Variants in NUP98 observed in about 807,000 individuals in gnomAD.
NUP98 encodes nucleoporin 98 and 96 precursor.
NUP98 carries 26 observed loss-of-function variants against 191.9 expected under a neutral mutation model. The ratio of observed to expected loss-of-function variants is 0.14; its 90% CI spans 0.10 to 0.19. NUP98 has a LOEUF of 0.19. NUP98 is among the 10% of genes least tolerant of loss of function. The probability of loss-of-function intolerance (pLI) is 1.00; values close to 1 mark genes in which losing one functional copy is unlikely to be tolerated. For missense variants in NUP98, 1,941 were observed against 2,178.8 expected, an observed-to-expected ratio of 0.89 and a Z score of 2.17; for synonymous variants, 808 against 778.4, an observed-to-expected ratio of 1.04 and a Z score of -0.63.
intron 14 of NUP98, among the ~76,000 whole-genome samples, chr11:3,728,419 G>A (rs2079703471): frequency 6.6e-6 from 1 of 152,208 alleles, no homozygotes; most frequent in South Asian, 2.1e-4. Context: ...TTTAGAATCA[G>A]ATGCAAAAGA....
At chr11:3,728,894 G>C (rs1025591787) in intron 14 of NUP98, among the ~76,000 whole-genome samples, 1 of 152,170 alleles carries the variant, frequency 6.6e-6, no homozygotes, top group South Asian at 2.1e-4. Context: ...AGAACCAAGA[G>C]GATTTGCTGA....
Position 3,676,113 on chromosome 11 carries a change from G to C in NUP98, c.*46C>G. 1.3e-6 allele frequency: 2 copies of C among 1,569,862 alleles called. No individual in the cohort carries two copies. The highest frequency in any genetic ancestry group is 1.7e-6 in the Non-Finnish European group (2 of 1,147,194). ...AATCCAAACAAGGCAGGGAACCTCT[G>C]TGTGGTGTGAATGGGCATGTGACTG... On this transcript the variant is annotated 3_prime_UTR_variant, in exon 33 of 33. Coordinates refer to ENST00000324932, the MANE Select transcript of NUP98 (RefSeq NM_016320.5).
At chr11:3,745,018 A>G (rs2080438630) in intron 11 of NUP98, among the ~76,000 whole-genome samples, 1 of 152,178 alleles carries the variant, frequency 6.6e-6, no homozygotes, top group Non-Finnish European at 1.5e-5. Context: ...CCCTTTTAAC[A>G]GAGGAGAAAA....
intron 18 of NUP98, among the ~76,000 whole-genome samples, chr11:3,716,454 C>T (rs966840401): frequency 1.3e-5 from 2 of 151,928 alleles, no homozygotes; most frequent in Non-Finnish European, 2.9e-5. Context: ...ACCTATAATC[C>T]CAACACTTTG....
chr11:3,785,197 AC>A (rs1372709470), intron 1 of NUP98, among the ~76,000 whole-genome samples: 1 of 152,090 alleles, frequency 6.6e-6, no homozygotes, highest in Non-Finnish European at 1.5e-5. Flanking sequence ...ACAAAAAAAA[AC>A]AACCAAAAAA....
At chr11:3,754,047 C>T (rs1250940960) in intron 10 of NUP98, among the ~76,000 whole-genome samples, 1 of 152,172 alleles carries the variant, frequency 6.6e-6, no homozygotes, top group Non-Finnish European at 1.5e-5. Context: ...GCTTTGGGAA[C>T]ATTGCCTTTG....
chr11:3,705,479 A>G (rs1056743050), intron 21 of NUP98, 123 bp from the exon 22 acceptor site: 13 of 888,704 alleles, frequency 1.5e-5, no homozygotes, highest in African/African-American at 8.4e-5. Context: ...CAGAGCTAGT[A>G]TATTTGTGTG....
At chr11:3,767,757 T>C (rs1305382166) in intron 8 of NUP98, among the ~76,000 whole-genome samples, 2 of 151,856 alleles carry the variant, frequency 1.3e-5, no homozygotes, top group East Asian at 3.9e-4. Context: ...AATAAACTAG[T>C]AATGACCATG....
chr11:3,757,849 CA>C lies in NUP98; in HGVS notation c.1174+2689del, dbSNP rs944718821. Reference sequence around the variant, plus strand: ...TTAATTTTGAACATGAAGCATGCTACAAAAAAAAGAGCTTTATTAAAAACAC... The same window carrying C: ...TTAATTTTGAACATGAAGCATGCTACAAAAAAAGAGCTTTATTAAAAACAC... On this transcript the variant is annotated intron_variant, in intron 10 of 32. Transcript: ENST00000324932. 5.8e-4 allele frequency among the ~76,000 whole-genome samples: 88 copies of C among 150,746 alleles called. 1 individual carries two copies. Among genetic ancestry groups the C allele is most frequent in the Non-Finnish European group, 2.2e-4 (15 of 67,596 alleles).
Position 3,755,923 on chromosome 11 carries a change from AC to A in NUP98, c.1175-2516del, listed in dbSNP as rs2080944413. Among the ~76,000 whole-genome samples the A allele has an allele frequency of 2.0e-5, 3 of 152,344 alleles. No homozygotes were observed. In the South Asian group the frequency reaches 6.2e-4, roughly 32 times the overall value. On this transcript the variant is annotated intron_variant, in intron 10 of 32. Transcript: ENST00000324932. ...GGTTGCAGTGAGCCAAAATCACGCCACTGCACTCCAGCCTGGGTGACAGAGA... is the reference window on the plus strand; with the variant it reads ...GGTTGCAGTGAGCCAAAATCACGCCATGCACTCCAGCCTGGGTGACAGAGA...
At chr11:3,738,656 G>C (rs2080163499) in intron 12 of NUP98, among the ~76,000 whole-genome samples, 1 of 151,386 alleles carries the variant, frequency 6.6e-6, no homozygotes, top group Non-Finnish European at 1.5e-5. Flanking sequence ...ACACATACCT[G>C]TAGTCCCAGC....
At chr11:3,753,628 A>C (rs2080847722) in intron 10 of NUP98, among the ~76,000 whole-genome samples, 1 of 151,868 alleles carries the variant, frequency 6.6e-6, no homozygotes, top group Admixed American at 6.6e-5. Flanking sequence ...ATCAATTCAA[A>C]GGCCATGCGC....
At chr11:3,684,218 C>CA (rs2134020882) in intron 29 of NUP98, among the ~76,000 whole-genome samples, 1 of 152,022 alleles carries the variant, frequency 6.6e-6, no homozygotes, top group South Asian at 2.1e-4. Flanking sequence ...ATCTCAAAAA[C>CA]AAAACAAAAC....
rs185302816 is a variant in NUP98 at position 3,765,267 on chromosome 11, T to C, written c.949-2228A>G. ...TGCAGTGGCCTATTCATAGCCACGATCATAGTGCACCACAGCTTCTAACTC... is the reference window on the plus strand; with the variant it reads ...TGCAGTGGCCTATTCATAGCCACGACCATAGTGCACCACAGCTTCTAACTC... On this transcript the variant is annotated intron_variant, in intron 8 of 32. Transcript: ENST00000324932. Among the ~76,000 whole-genome samples, 398 of 152,290 alleles carry C rather than the reference T, an allele frequency of 2.6e-3. 3 individuals carry two copies. Among genetic ancestry groups the C allele is most frequent in the African/African-American group, 9.3e-3 (386 of 41,576 alleles).
intron 12 of NUP98, among the ~76,000 whole-genome samples, chr11:3,740,652 G>C (rs2080248530): frequency 2.0e-5 from 3 of 151,902 alleles, no homozygotes; most frequent in Admixed American, 2.0e-4. Flanking sequence ...AACTACTGTG[G>C]TTACTGCAAT....
chr11:3,797,258 C>A, intron 1 of NUP98, 142 bp downstream of exon 1: 1 of 397,104 alleles, frequency 2.5e-6, no homozygotes, highest in Non-Finnish European at 4.4e-6. Flanking sequence ...CTCAGCACCG[C>A]CCCTCTCTCA....
intron 13 of NUP98, among the ~76,000 whole-genome samples, chr11:3,732,346 G>A (rs1456422915): frequency 3.3e-5 from 5 of 152,174 alleles, no homozygotes; most frequent in Admixed American, 2.0e-4. Context: ...TTCATCCTAT[G>A]AGAGTTTAGC....
chr11:3,720,995 TG>T, intron 16 of NUP98, 170 bp from the exon 17 acceptor site: 1 of 481,968 alleles, frequency 2.1e-6, no homozygotes, highest in Admixed American at 3.6e-5. Context: ...TGTGTGTGTG[TG>T]TGTGTGTGTG....
At chr11:3,770,619 T>C (rs1177421271) in intron 7 of NUP98, among the ~76,000 whole-genome samples, 2 of 152,128 alleles carry the variant, frequency 1.3e-5, no homozygotes, top group Non-Finnish European at 1.5e-5. Context: ...AATTTTTGCT[T>C]TTCTCTACAG....
Sources: allele counts gnomAD v4.1 joint callset (sites outside exome capture counted in the v4.1 genomes callset), GRCh38; gene constraint gnomAD v4.1.1; transcripts MANE v1.5; gene names NCBI Gene and HGNC (gene_info 2026-07-23, HGNC 2026-07-21).